Variants in FIS1 observed in about 807,000 individuals in gnomAD.
The protein encoded by FIS1 is fission, mitochondrial 1, also known as mitochondrial fission 1 protein.
A neutral mutation model predicts 21.6 loss-of-function variants in FIS1; 16 were observed. The observed-to-expected ratio is 0.74, with a 90% CI of 0.50 to 1.12. FIS1 has a LOEUF of 1.12. Ranked by LOEUF, FIS1 falls within the 50% of genes most tolerant of loss-of-function variation. FIS1 has a pLI of 0.00. For missense variants in FIS1, 198 were observed against 190.9 expected (o/e 1.04, Z -0.22); for synonymous variants, 92 against 82.2 (o/e 1.12, Z -0.65).
chr7:101,241,628 TCTTC>T (rs1421813605), intron 2 of FIS1: 2 of 148,512 alleles, frequency 1.3e-5, no homozygotes, highest in Non-Finnish European at 3.0e-5. Context: ...CCTGACTTTG[TCTTC>T]CTTCCTTTTT....
At chr7:101,243,632 TG>T (rs1193325891) in intron 2 of FIS1, among the ~76,000 whole-genome samples, 6 of 152,214 alleles carry the variant, frequency 3.9e-5, no homozygotes, top group Admixed American at 3.9e-4. Context: ...GACAGTCCTC[TG>T]TACCTCTTCC....
In FIS1 at chr7:101,243,447, G is replaced by A. The variant is rs1382306802; in HGVS notation, c.178+560C>T. Among the ~76,000 whole-genome samples the A allele has an allele frequency of 2.0e-5, 3 of 152,130 alleles. No homozygotes were observed. In the East Asian group the frequency reaches 5.8e-4, roughly 29 times the overall value. ...AAAAATTAGCTGGGCGTGGTAGTGGGCACCTGTAATCCCAGCTACTCAGGA... is the reference window on the plus strand; with the variant it reads ...AAAAATTAGCTGGGCGTGGTAGTGGACACCTGTAATCCCAGCTACTCAGGA... On this transcript the variant is annotated intron_variant, in intron 2 of 4. Transcript: ENST00000223136.
intron 2 of FIS1, chr7:101,241,291 G>A: frequency 5.4e-6 from 1 of 185,184 alleles, no homozygotes; most frequent in Non-Finnish European, 1.1e-5. Context: ...CGTGATCTCG[G>A]CTCACTGCAA....
At chr7:101,241,544 AAGTT>A (rs1798748657) in intron 2 of FIS1, 2 of 151,770 alleles carry the variant, frequency 1.3e-5, no homozygotes, top group African/African-American at 4.8e-5. Context: ...AAAAAAAAAA[AAGTT>A]AGGACTCCCT....
At chr7:101,240,537 G>C (rs1309448253) in intron 3 of FIS1, among the ~76,000 whole-genome samples, 1 of 152,004 alleles carries the variant, frequency 6.6e-6, no homozygotes, top group Non-Finnish European at 1.5e-5. Context: ...CTCCTCCCTC[G>C]ACCTCCACCC....
rs994536819 is a variant in FIS1, at chr7:101,240,743, C to G, written c.255+87G>C. On this transcript the variant is annotated intron_variant, in intron 3 of 4. Coordinates refer to ENST00000223136, the MANE Select transcript of FIS1 (RefSeq NM_016068.3). ...CACCTCTGCACCCCTTCAGCCTTCC[C>G]GCTGTCCAGGGCTCCACCCTGGAGG... 4.1e-5 allele frequency: 55 copies of G among 1,331,390 alleles called. 2 individuals carry two copies. In the South Asian group the frequency reaches 6.4e-4, roughly 15 times the overall value. The allele number at this position is 1,331,390 out of a possible 1,614,324, so 82.5% of individuals were successfully genotyped here.
At position 101,244,065 on chromosome 7, in the gene FIS1, C is replaced by G. The variant is rs777096419; in HGVS notation, c.120G>C (p.Trp40Cys). The G allele has an allele frequency of 1.2e-6, 2 of 1,614,076 alleles. No individual in the cohort carries two copies. The highest frequency in any genetic ancestry group is 1.7e-6 in the Non-Finnish European group (2 of 1,180,000). Residue 40 changes from tryptophan to cysteine, a missense_variant, in exon 2 of 5, where the codon TGG (tryptophan) becomes TGC (cysteine). Coordinates refer to ENST00000223136, the MANE Select transcript of FIS1 (RefSeq NM_016068.3). ...CATTGTACTTGCTCCGCACCAGGCA[C>G]CAGGCGTACTCAAACTGCGTGCTCT... is the stretch of plus-strand genomic sequence containing the variant. ...VSKSTQFEYA[W>C]CLVRSKYNDD... is the part of the protein sequence containing the mutation.
At chr7:101,243,928 T>TCA (rs771538971) in intron 2 of FIS1, 79 bp downstream of exon 2, 18 of 1,522,094 alleles carry the variant, frequency 1.2e-5, no homozygotes, top group Non-Finnish European at 1.6e-5. Context: ...CGGAGACAAC[T>TCA]CAGAGGTGCC....
At chr7:101,242,261 G>A (rs1443048666) in intron 2 of FIS1, among the ~76,000 whole-genome samples, 1 of 152,088 alleles carries the variant, frequency 6.6e-6, no homozygotes, top group Non-Finnish European at 1.5e-5. Context: ...CTTCCCAGAG[G>A]ATAACTGTAC....
chr7:101,241,074 T>C (rs1798740981), intron 2 of FIS1, 168 bp from the exon 3 acceptor site: 1 of 657,970 alleles, frequency 1.5e-6, no homozygotes, highest in African/African-American at 1.8e-5. Flanking sequence ...TAGCCAGAGC[T>C]CTGGGACAGG....
At position 101,244,020 on chromosome 7, in the gene FIS1, G is replaced by A. The variant is rs750618988; in HGVS notation, c.165C>T (p.Ile55=). 2 of 1,613,366 alleles carry A rather than the reference G, an allele frequency of 1.2e-6. No individual in the cohort carries two copies. The highest frequency in any genetic ancestry group is 1.7e-6 in the Non-Finnish European group (2 of 1,179,768). The change falls in exon 2 of 5, where the codon ATC becomes ATT. Residue 55 remains isoleucine (I), a synonymous_variant. Coordinates refer to ENST00000223136, the MANE Select transcript of FIS1 (RefSeq NM_016068.3). The stretch of plus-strand genomic sequence containing the variant: ...ACAGCGCCTCACCCTCGAGCAGCAC[G>A]ATGCCTTTACGGATGTCATCATTGT... ...SKYNDDIRKG[I]VLLEELLPKG...
At position 101,240,210 on chromosome 7, in the gene FIS1, A is replaced by C. The variant is rs748421370; in HGVS notation, c.293T>G (p.Leu98Arg). ...CTGGTTGTTCTGGGGCTCTGTCTGC[A>C]GCAACCCGCGGACGTACTTTAAGGC... ...EKALKYVRGLLQTEPQNNQAK... is the reference protein window; with the variant it reads ...EKALKYVRGLRQTEPQNNQAK... The change falls in exon 4 of 5, where the codon CTG (leucine) becomes CGG (arginine). Residue 98 changes from leucine to arginine, a missense_variant. Physicochemically the swap from Leu to Arg is moderately radical, Grantham distance 102 (BLOSUM62 -2). Coordinates refer to ENST00000223136, the MANE Select transcript of FIS1 (RefSeq NM_016068.3). 8.1e-6 allele frequency: 13 copies of C among 1,614,226 alleles called. No homozygotes were observed. The South Asian group carries it at 1.4e-4, about 18-fold the overall frequency.
Position 101,242,487 on chromosome 7 carries a change from GTTT to G in FIS1, c.178+1517_178+1519del, listed in dbSNP as rs67075921. Among the ~76,000 whole-genome samples, 140 of 131,936 alleles carry G rather than the reference GTTT, an allele frequency of 1.1e-3. 1 individual carries two copies. The highest frequency in any genetic ancestry group is 3.6e-3 in the African/African-American group (124 of 34,264). 86.6% of individuals were successfully genotyped at this position (131,936 alleles called of 152,430 possible). On this transcript the variant is annotated intron_variant, in intron 2 of 4. Transcript: ENST00000223136. Reference sequence around the variant, plus strand: ...TTTAAGAAAGAGTCTTATTTTTATAGTTTTTTTTTTTTTTTTTTTGAGACGGAG... The same window carrying G: ...TTTAAGAAAGAGTCTTATTTTTATAGTTTTTTTTTTTTTTTTGAGACGGAG...
chr7:101,240,829 C>T lies in FIS1; in HGVS notation c.255+1G>A. The T allele has an allele frequency of 6.2e-7, 1 of 1,613,756 alleles. No individual in the cohort carries two copies. Among genetic ancestry groups the T allele is most frequent in the Non-Finnish European group, 8.5e-7 (1 of 1,180,030 alleles). On this transcript the variant is annotated splice_donor_variant, in intron 3 of 4. Transcript: ENST00000223136. LOFTEE classifies it high-confidence loss of function. ...TGAAGGGAACGGGGTCCCCACCTCACCTTGAGCCGGTAGTTCCCCACGGCC... is the reference window on the plus strand; with the variant it reads ...TGAAGGGAACGGGGTCCCCACCTCATCTTGAGCCGGTAGTTCCCCACGGCC...
At position 101,240,180 on chromosome 7, in the gene FIS1, T is replaced by G. The variant is rs780696332; in HGVS notation, c.323A>C (p.Lys108Thr). 4 of 1,614,126 alleles carry G rather than the reference T, an allele frequency of 2.5e-6. No individual in the cohort carries two copies. Among genetic ancestry groups the G allele is most frequent in the Non-Finnish European group, 3.4e-6 (4 of 1,180,044 alleles). ...CTTGTCAATGAGCCGCTCCAGTTCC[T>G]TGGCCTGGTTGTTCTGGGGCTCTGT... ...LQTEPQNNQA[K>T]ELERLIDKAM... is the part of the protein sequence containing the mutation. Residue 108 changes from lysine to threonine, a missense_variant, in exon 4 of 5, where the codon AAG becomes ACG. Physicochemically the swap from Lys to Thr is moderately conservative, Grantham distance 78. Coordinates refer to ENST00000223136, the MANE Select transcript of FIS1 (RefSeq NM_016068.3).
chr7:101,243,929 C>G, intron 2 of FIS1, 78 bp downstream of exon 2: 1 of 1,523,154 alleles, frequency 6.6e-7, no homozygotes, highest in Non-Finnish European at 8.9e-7. Context: ...GGAGACAACT[C>G]AGAGGTGCCT....
At chr7:101,241,050 C>T in intron 2 of FIS1, 144 bp from the exon 3 acceptor site, 1 of 739,370 alleles carries the variant, frequency 1.4e-6, no homozygotes, top group East Asian at 2.7e-5. Flanking sequence ...CAGCTCCAGT[C>T]ACTCCCAGCA....
At chr7:101,242,487 GTTTTT>G (rs67075921) in intron 2 of FIS1, among the ~76,000 whole-genome samples, 1 of 131,916 alleles carries the variant, frequency 7.6e-6, no homozygotes. Flanking sequence ...TATTTTTATA[GTTTTT>G]TTTTTTTTTT....
chr7:101,244,278 C>T (rs1221226134), intron 1 of FIS1, 139 bp from the exon 2 acceptor site: 1 of 1,195,380 alleles, frequency 8.4e-7, no homozygotes, highest in Non-Finnish European at 1.1e-6. Context: ...TATCTCCATG[C>T]CCGGGACCCA....
Sources: allele counts gnomAD v4.1 joint callset (sites outside exome capture counted in the v4.1 genomes callset), GRCh38; gene constraint gnomAD v4.1.1; transcripts MANE v1.5; gene names NCBI Gene and HGNC (gene_info 2026-07-23, HGNC 2026-07-21).